Variants in STAG1 observed in about 807,000 individuals in gnomAD.
STAG1 encodes STAG1 cohesin complex component.
STAG1 carries 26 observed loss-of-function variants against 170.9 expected under a neutral mutation model. The observed-to-expected ratio is 0.15, with a 90% CI of 0.11 to 0.21. STAG1 has a LOEUF of 0.21. Ranked by LOEUF, STAG1 falls within the 10% of genes least tolerant of loss-of-function variation. The probability of loss-of-function intolerance (pLI) is 1.00; values close to 1 mark genes in which losing one functional copy is unlikely to be tolerated. For missense variants in STAG1, 964 were observed against 1,509.5 expected (o/e 0.64, Z 5.99); for synonymous variants, 514 against 497.7 (o/e 1.03, Z -0.44).
At chr3:136,370,208 T>C (rs963729060) in intron 23 of STAG1, among the ~76,000 whole-genome samples, 3 of 152,138 alleles carry the variant, frequency 2.0e-5, no homozygotes, top group Non-Finnish European at 4.4e-5. Context: ...TCCAGAAGAA[T>C]GCATTATTAT....
At chr3:136,734,708 GT>G (rs565067043) in intron 1 of STAG1, among the ~76,000 whole-genome samples, 1 of 152,088 alleles carries the variant, frequency 6.6e-6, no homozygotes, top group African/African-American at 2.4e-5. Context: ...CTTTAGGGGT[GT>G]TTTTTGTTTT....
intron 22 of STAG1, among the ~76,000 whole-genome samples, chr3:136,393,439 G>C (rs187959451): frequency 6.6e-6 from 1 of 152,158 alleles, no homozygotes; most frequent in Non-Finnish European, 1.5e-5. Context: ...CCTGGGAGAC[G>C]GAGCTTGCAG....
chr3:136,506,972 C>T (rs1355336020), intron 7 of STAG1, among the ~76,000 whole-genome samples: 1 of 152,048 alleles, frequency 6.6e-6, no homozygotes. Flanking sequence ...ATCATTTGTG[C>T]AAAAGAATGT....
chr3:136,478,795 T>C (rs889057322), intron 9 of STAG1, among the ~76,000 whole-genome samples: 3 of 152,160 alleles, frequency 2.0e-5, no homozygotes, highest in Admixed American at 6.5e-5. Flanking sequence ...CTTTTTCTCA[T>C]GGAGAGGCTG....
intron 1 of STAG1, among the ~76,000 whole-genome samples, chr3:136,745,141 G>A (rs1934872040): frequency 6.6e-6 from 1 of 152,188 alleles, no homozygotes; most frequent in Non-Finnish European, 1.5e-5. Flanking sequence ...TAGAAAACAA[G>A]TTAAAAGCCA....
At chr3:136,610,870 G>A (rs1426673883) in intron 3 of STAG1, among the ~76,000 whole-genome samples, 2 of 152,072 alleles carry the variant, frequency 1.3e-5, no homozygotes, top group African/African-American at 2.4e-5. Flanking sequence ...CCTGTGTATT[G>A]CCCATTCAAC....
chr3:136,340,184 C>T (rs539896408), intron 32 of STAG1, among the ~76,000 whole-genome samples: 11 of 152,148 alleles, frequency 7.2e-5, no homozygotes, highest in African/African-American at 1.7e-4. Context: ...GATGGAGTTT[C>T]GCTCTTGTTG....
At chr3:136,643,747 G>A (rs1028006018) in intron 1 of STAG1, among the ~76,000 whole-genome samples, 4 of 152,064 alleles carry the variant, frequency 2.6e-5, no homozygotes, top group African/African-American at 4.8e-5. Flanking sequence ...GAGCTCAAGC[G>A]ATCCACCTGC....
rs576084153 is a variant in STAG1, at chr3:136,371,850, G to T, written c.2371-2568C>A. Among the ~76,000 whole-genome samples the T allele has an allele frequency of 3.9e-5, 6 of 152,206 alleles. No homozygotes were observed. In the East Asian group the frequency reaches 1.2e-3, roughly 29 times the overall value. On this transcript the variant is annotated intron_variant, in intron 23 of 33. Coordinates refer to ENST00000383202, the MANE Select transcript of STAG1 (RefSeq NM_005862.3). ...ACTTGGCAATACAGGCTCTTTTTTGGTTCCATGTGAACTTTAAAGTAGTTT... is the reference window on the plus strand; with the variant it reads ...ACTTGGCAATACAGGCTCTTTTTTGTTTCCATGTGAACTTTAAAGTAGTTT...
In STAG1 at chr3:136,349,264, C is replaced by A; in HGVS notation, c.3165G>T (p.Gly1055=). 6.2e-7 allele frequency: 1 copy of A among 1,613,898 alleles called. No individual in the cohort carries two copies. The highest frequency in any genetic ancestry group is 8.5e-7 in the Non-Finnish European group (1 of 1,179,814). The part of the protein sequence containing the change: ...LISYRNSLVT[G]GEDDRMSVNS... ...TCACAGACATTCTATCATCTTCACC[C>A]CCAGTGACTAATGAATTTCTATAGG... Residue 1055 remains glycine, a synonymous_variant, in exon 29 of 34, where the codon GGG becomes GGT. Coordinates refer to ENST00000383202, the MANE Select transcript of STAG1 (RefSeq NM_005862.3).
intron 5 of STAG1, among the ~76,000 whole-genome samples, chr3:136,548,605 G>A (rs1189831872): frequency 1.3e-5 from 2 of 152,186 alleles, no homozygotes; most frequent in Non-Finnish European, 2.9e-5. Context: ...GAATCGGTAA[G>A]ACCACTTTAG....
chr3:136,357,732 T>A lies in STAG1; in HGVS notation c.3053A>T (p.Asp1018Val). ...SEFSSKLLRQ[D>V]KKTVHSYLEK... ...ATGTGCAACTTACACTGTCTTTTTG[T>A]CCTGTCGAAGAAGTTTAGAAGAAAA... Residue 1018 changes from aspartate (D) to valine (V), a missense_variant, in exon 28 of 34, where the codon GAC (aspartate) becomes GTC (valine). Coordinates refer to ENST00000383202, the MANE Select transcript of STAG1 (RefSeq NM_005862.3). The A allele has an allele frequency of 6.2e-7, 1 of 1,601,428 alleles. No homozygotes were observed. Among genetic ancestry groups the A allele is most frequent in the Non-Finnish European group, 8.5e-7 (1 of 1,177,144 alleles).
intron 7 of STAG1, among the ~76,000 whole-genome samples, chr3:136,512,096 TAAAAAAAAAA>T (rs35238532): frequency 7.3e-5 from 5 of 68,300 alleles, no homozygotes; most frequent in East Asian, 9.1e-4. Flanking sequence ...CTCTACAAAA[TAAAAAAAAAA>T]AAAAAAAAAA....
At chr3:136,513,529 G>A (rs1049714874) in intron 7 of STAG1, among the ~76,000 whole-genome samples, 8 of 151,918 alleles carry the variant, frequency 5.3e-5, no homozygotes, top group African/African-American at 1.7e-4. Context: ...TGAAATTTCA[G>A]TAACAAACAA....
At chr3:136,674,463 G>A (rs948537431) in intron 1 of STAG1, among the ~76,000 whole-genome samples, 1 of 152,130 alleles carries the variant, frequency 6.6e-6, no homozygotes, top group African/African-American at 2.4e-5. Flanking sequence ...CTTATATAGT[G>A]ATAGAAGCAG....
intron 14 of STAG1, among the ~76,000 whole-genome samples, chr3:136,450,903 C>G (rs769529117): frequency 6.6e-6 from 1 of 152,022 alleles, no homozygotes; most frequent in African/African-American, 2.4e-5. Flanking sequence ...TGCGCCACCA[C>G]GCTCAGCTAA....
At chr3:136,363,190 A>T (rs543204325) in intron 26 of STAG1, among the ~76,000 whole-genome samples, 176 bp downstream of exon 26, 1 of 152,304 alleles carries the variant, frequency 6.6e-6, no homozygotes, top group East Asian at 1.9e-4. Flanking sequence ...TTTTCTTCCA[A>T]AAGAAAAGAC....
chr3:136,533,376 T>C (rs538714416), intron 6 of STAG1, among the ~76,000 whole-genome samples: 4 of 152,276 alleles, frequency 2.6e-5, no homozygotes, highest in Non-Finnish European at 5.9e-5. Context: ...TCGCCTTTTT[T>C]TTATTTTTAT....
chr3:136,719,075 T>C (rs557787691), intron 1 of STAG1, among the ~76,000 whole-genome samples: 40 of 152,150 alleles, frequency 2.6e-4, no homozygotes, highest in Non-Finnish European at 3.7e-4. Context: ...ATGAAACATA[T>C]GTCTACACCA....
Sources: gnomAD v4.1 joint callset for allele counts (sites outside exome capture counted in the v4.1 genomes callset) on GRCh38, gnomAD v4.1.1 for gene constraint, MANE v1.5 for transcripts, NCBI Gene and HGNC (gene_info 2026-07-23, HGNC 2026-07-21) for gene names.